Variants in DLGAP1 observed in about 807,000 individuals in gnomAD.
DLGAP1 encodes the protein DLG associated protein 1, also known as disks large-associated protein 1.
DLGAP1 carries 11 observed loss-of-function variants against 90.8 expected under a neutral mutation model. That is an observed-to-expected ratio of 0.12 (90% CI 0.08 to 0.20). The LOEUF (loss-of-function observed/expected upper bound fraction) is 0.20. Ranked by LOEUF, DLGAP1 falls within the 10% of genes least tolerant of loss-of-function variation. The pLI, the probability that DLGAP1 is intolerant of heterozygous loss-of-function variation, is 1.00. For missense variants in DLGAP1, 1,050 were observed against 1,333.8 expected (o/e 0.79, Z 3.31); for synonymous variants, 558 against 540.7 (o/e 1.03, Z -0.44).
At chr18:4,338,019 T>TA (rs1389549626) in intron 1 of DLGAP1, among the ~76,000 whole-genome samples, 1 of 152,202 alleles carries the variant, frequency 6.6e-6, no homozygotes, top group African/African-American at 2.4e-5. Flanking sequence ...TCATAGTTTT[T>TA]ATCTCTCTGC....
chr18:3,672,201 GACACACACACAC>G (rs3223621), intron 7 of DLGAP1, among the ~76,000 whole-genome samples: 80 of 143,590 alleles, frequency 5.6e-4, no homozygotes, highest in African/African-American at 9.2e-4. Context: ...CTGCTGATTA[GACACACACACAC>G]ACACACACAC....
chr18:4,044,851 C>A (rs993355998), intron 2 of DLGAP1, among the ~76,000 whole-genome samples: 1 of 152,058 alleles, frequency 6.6e-6, no homozygotes, highest in Admixed American at 6.6e-5. Context: ...CAATTGTAAT[C>A]CCCAGTGTTG....
intron 2 of DLGAP1, among the ~76,000 whole-genome samples, chr18:4,089,264 C>T (rs555336058): frequency 5.3e-5 from 8 of 152,210 alleles, no homozygotes; most frequent in African/African-American, 1.4e-4. Context: ...AGGATCTCTT[C>T]GAGGACAACT....
intron 1 of DLGAP1, among the ~76,000 whole-genome samples, chr18:4,280,116 C>T (rs1022013455): frequency 6.6e-6 from 1 of 152,042 alleles, no homozygotes; most frequent in East Asian, 1.9e-4. Context: ...TTAGCTTCAA[C>T]ATGAACTTCA....
intron 1 of DLGAP1, among the ~76,000 whole-genome samples, chr18:4,171,911 TTAAA>T (rs1318785908): frequency 1.3e-5 from 2 of 152,212 alleles, no homozygotes; most frequent in African/African-American, 4.8e-5. Context: ...CTTGTCCTGT[TTAAA>T]TAGACTAGTG....
intron 3 of DLGAP1, among the ~76,000 whole-genome samples, chr18:3,887,600 C>T (rs1331463626): frequency 6.6e-6 from 1 of 152,192 alleles, no homozygotes; most frequent in East Asian, 1.9e-4. Flanking sequence ...CTTGCTCACA[C>T]ATGCATGCTC....
chr18:3,663,043 G>T lies in DLGAP1; in HGVS notation c.1591+66092C>A, dbSNP rs572383412. Among the ~76,000 whole-genome samples, 166 of 152,212 alleles carry T rather than the reference G, an allele frequency of 1.1e-3. 1 individual carries two copies. Among genetic ancestry groups the T allele is most frequent in the African/African-American group, 3.7e-3 (154 of 41,538 alleles). On this transcript the variant is annotated intron_variant, in intron 7 of 12. Coordinates refer to ENST00000315677, the MANE Select transcript of DLGAP1 (RefSeq NM_004746.4). ...TCCCAGCACTTTGGGAGGCCAAGAT[G>T]GGTGGATATTCTGAGGTCAGGAGTT...
At chr18:3,792,110 T>C (rs1489934361) in intron 5 of DLGAP1, among the ~76,000 whole-genome samples, 2 of 152,150 alleles carry the variant, frequency 1.3e-5, no homozygotes, top group Admixed American at 1.3e-4. Context: ...CCCAGCCCTG[T>C]AACCAGCTGG....
intron 5 of DLGAP1, among the ~76,000 whole-genome samples, chr18:3,797,869 G>T (rs2148294960): frequency 6.6e-6 from 1 of 152,246 alleles, no homozygotes; most frequent in South Asian, 2.1e-4. Context: ...CGTGTTGAGG[G>T]AGAGACCTGG....
chr18:3,971,843 T>A (rs6506147), intron 3 of DLGAP1, among the ~76,000 whole-genome samples: 14,015 of 152,182 alleles, frequency 0.092, 1,361 homozygotes, highest in African/African-American at 0.25. Context: ...GGAGTTTTAT[T>A]TTAATAAGCA....
At chr18:4,225,001 C>CCA (rs1248495879) in intron 1 of DLGAP1, among the ~76,000 whole-genome samples, 1 of 151,916 alleles carries the variant, frequency 6.6e-6, no homozygotes, top group African/African-American at 2.4e-5. Flanking sequence ...TCACACCCCC[C>CCA]CACACACACA....
chr18:3,544,794 A>G (rs2052917436), intron 9 of DLGAP1, among the ~76,000 whole-genome samples: 1 of 151,632 alleles, frequency 6.6e-6, no homozygotes, highest in African/African-American at 2.4e-5. Flanking sequence ...GCTGGAATGC[A>G]GTGGCTCCAT....
At chr18:3,972,434 T>C (rs1486800047) in intron 3 of DLGAP1, among the ~76,000 whole-genome samples, 2 of 152,262 alleles carry the variant, frequency 1.3e-5, no homozygotes, top group South Asian at 2.1e-4. Flanking sequence ...ATTCTGTCTT[T>C]TCTGTCTTCA....
chr18:3,602,593 C>CAAAAAAAAAA (rs71159102), intron 7 of DLGAP1, among the ~76,000 whole-genome samples: 11 of 66,648 alleles, frequency 1.7e-4, no homozygotes, highest in East Asian at 4.0e-4. Context: ...AGACTCCGTC[C>CAAAAAAAAAA]AAAAAAAAAA....
At chr18:4,039,863 G>A (rs1271397399) in intron 2 of DLGAP1, among the ~76,000 whole-genome samples, 1 of 152,138 alleles carries the variant, frequency 6.6e-6, no homozygotes, top group African/African-American at 2.4e-5. Context: ...ATGTGTGAAA[G>A]TTCTTTTTAC....
At chr18:3,670,085 A>G (rs1309556582) in intron 7 of DLGAP1, among the ~76,000 whole-genome samples, 1 of 152,218 alleles carries the variant, frequency 6.6e-6, no homozygotes, top group Non-Finnish European at 1.5e-5. Context: ...GGAAAAGAGT[A>G]TATTGTTTTA....
intron 10 of DLGAP1, among the ~76,000 whole-genome samples, chr18:3,530,248 T>C (rs1422494852): frequency 1.3e-5 from 2 of 151,900 alleles, no homozygotes; most frequent in Non-Finnish European, 2.9e-5. Context: ...TCTATAAAAT[T>C]TTTTAAAAAT....
intron 4 of DLGAP1, among the ~76,000 whole-genome samples, chr18:3,871,863 G>GTA (rs906738069): frequency 6.6e-6 from 1 of 152,198 alleles, no homozygotes; most frequent in Non-Finnish European, 1.5e-5. Flanking sequence ...GATAGAAGGT[G>GTA]TATATATAAA....
intron 11 of DLGAP1, among the ~76,000 whole-genome samples, chr18:3,503,016 T>C (rs1487650984): frequency 6.6e-6 from 1 of 152,180 alleles, no homozygotes; most frequent in Non-Finnish European, 1.5e-5. Context: ...TGTATTATTA[T>C]TAGAGTTTGT....
Sources: gnomAD v4.1 joint callset for allele counts (sites outside exome capture counted in the v4.1 genomes callset) on GRCh38, gnomAD v4.1.1 for gene constraint, MANE v1.5 for transcripts, NCBI Gene and HGNC (gene_info 2026-07-23, HGNC 2026-07-21) for gene names.